The following SEMA3A variants were observed in gnomAD, a reference collection of about 807,000 sequenced individuals.
SEMA3A encodes semaphorin-3A.
SEMA3A carries 29 observed loss-of-function variants against 97.9 expected under a neutral mutation model. The observed-to-expected ratio is 0.30, with a 90% confidence interval of 0.22 to 0.40. The LOEUF (loss-of-function observed/expected upper bound fraction) is 0.40, where lower values mean the gene tolerates loss of function less well. Among genes scored for constraint, SEMA3A ranks in the 10% least tolerant of loss-of-function variants. The probability of loss-of-function intolerance (pLI) is 1.00; values close to 1 mark genes in which losing one functional copy is unlikely to be tolerated. For missense variants in SEMA3A, 763 were observed against 951.3 expected, an observed-to-expected ratio of 0.80 and a Z score of 2.60; for synonymous variants, 321 against 323.7, an observed-to-expected ratio of 0.99 and a Z score of 0.09.
intron 3 of SEMA3A, among the ~76,000 whole-genome samples, chr7:84,114,718 T>C (rs1201035716): frequency 6.6e-6 from 1 of 152,110 alleles, no homozygotes; most frequent in Non-Finnish European, 1.5e-5. Context: ...TCACTCACTT[T>C]ATCCCTTCCT....
chr7:84,249,931 GT>G (rs58783916), intron 3 of SEMA3A, among the ~76,000 whole-genome samples: 20,303 of 144,288 alleles, frequency 0.14, 1,768 homozygotes, highest in East Asian at 0.34. Flanking sequence ...GTTGCATCCT[GT>G]TTTTTTTTTT....
chr7:84,283,796 AC>A (rs1800514120), intron 3 of SEMA3A, among the ~76,000 whole-genome samples: 1 of 152,214 alleles, frequency 6.6e-6, no homozygotes, highest in South Asian at 2.1e-4. Flanking sequence ...GCATATGGAA[AC>A]ATAACTTCTT....
At chr7:84,422,142 G>C (rs1402754088) in intron 1 of SEMA3A, among the ~76,000 whole-genome samples, 1 of 151,946 alleles carries the variant, frequency 6.6e-6, no homozygotes, top group Admixed American at 6.6e-5. Flanking sequence ...AATCCGTCTG[G>C]TCCTGGGCTT....
chr7:84,257,942 T>C (rs753238280), intron 3 of SEMA3A, among the ~76,000 whole-genome samples: 1 of 152,210 alleles, frequency 6.6e-6, no homozygotes, highest in Non-Finnish European at 1.5e-5. Context: ...CAGAATGGTA[T>C]TTCATTTCTT....
chr7:84,024,478 G>A (rs546846404), intron 6 of SEMA3A, among the ~76,000 whole-genome samples: 146 of 77,018 alleles, frequency 1.9e-3, no homozygotes, highest in African/African-American at 5.8e-3. Context: ...CCCAGGAGGC[G>A]GAGGTTGCAG....
intron 1 of SEMA3A, among the ~76,000 whole-genome samples, chr7:84,392,041 G>T (rs1374040637): frequency 6.6e-6 from 1 of 151,746 alleles, no homozygotes; most frequent in Non-Finnish European, 1.5e-5. Context: ...TGAATACAAT[G>T]TGGCATTATT....
chr7:84,110,460 C>G lies in SEMA3A; in HGVS notation c.453+10G>C. 1 of 1,612,734 alleles carries G rather than the reference C, an allele frequency of 6.2e-7. No individual in the cohort carries two copies. The highest frequency in any genetic ancestry group is 1.3e-5 in the African/African-American group (1 of 74,912). ...ATGGACAAATATAATTTTTAAAAAG[C>G]CAGCGTTACCTCAGGATGATGTCCA... On this transcript the variant is annotated intron_variant, in intron 4 of 16. Transcript: ENST00000265362.
chr7:84,259,814 CA>C (rs201882668), intron 3 of SEMA3A, among the ~76,000 whole-genome samples: 1,987 of 73,166 alleles, frequency 0.027, 51 homozygotes, highest in East Asian at 0.15. Context: ...AACACACGCA[CA>C]AAAAAAAAAA....
intron 3 of SEMA3A, chr7:84,306,644 A>G (rs1156737453): frequency 8.5e-5 from 13 of 152,166 alleles, no homozygotes; most frequent in African/African-American, 2.4e-5. Flanking sequence ...AATAAGTAAT[A>G]CAGTATGTAT....
At chr7:84,029,890 G>A (rs988083529) in intron 6 of SEMA3A, among the ~76,000 whole-genome samples, 2 of 151,154 alleles carry the variant, frequency 1.3e-5, no homozygotes, top group Non-Finnish European at 2.9e-5. Flanking sequence ...TTAAAGACAC[G>A]AAGACAAAAC....
rs2115680204 is a variant in SEMA3A, at chr7:84,265,767, C to T, written c.-83+41440G>A. 1.3e-5 allele frequency among the ~76,000 whole-genome samples: 2 copies of T among 151,936 alleles called. 1 individual carries two copies. Among genetic ancestry groups the T allele is most frequent in the Admixed American group, 1.3e-4 (2 of 15,226 alleles). On this transcript the variant is annotated intron_variant, in intron 3 of 3. Coordinates refer to the SEMA3A transcript ENST00000424555. ...GTAACAGGTCTCATCCCTGCCACCTCTCCCACTGTCCCCCACAATTCTGAA... is the reference window on the plus strand; with the variant it reads ...GTAACAGGTCTCATCCCTGCCACCTTTCCCACTGTCCCCCACAATTCTGAA...
chr7:84,445,517 A>G (rs1281050685), intron 1 of SEMA3A, among the ~76,000 whole-genome samples: 1 of 119,720 alleles, frequency 8.4e-6, no homozygotes, highest in African/African-American at 4.0e-5. Context: ...AAAAAAAAAA[A>G]AAAGAAAAGA....
chr7:84,385,915 A>G (rs1392087829), intron 1 of SEMA3A, among the ~76,000 whole-genome samples: 1 of 152,136 alleles, frequency 6.6e-6, no homozygotes, highest in Non-Finnish European at 1.5e-5. Context: ...TTCTGAGCCC[A>G]TTTCTTTCTT....
At chr7:84,066,787 G>A (rs963833405) in intron 4 of SEMA3A, among the ~76,000 whole-genome samples, 10 of 152,026 alleles carry the variant, frequency 6.6e-5, no homozygotes, top group African/African-American at 1.9e-4. Context: ...CAAACAAATC[G>A]AAGAACATTC....
In SEMA3A at chr7:84,091,305, AAAGG is replaced by A. The variant is rs1158058394; in HGVS notation, c.453+19161_453+19164del. Among the ~76,000 whole-genome samples, 423 of 141,020 alleles carry A rather than the reference AAAGG, an allele frequency of 3.0e-3. 2 individuals are homozygous for A. Among genetic ancestry groups the A allele is most frequent in the African/African-American group, 9.1e-3 (367 of 40,434 alleles). 92.5% of individuals were successfully genotyped at this position (141,020 alleles called of 152,430 possible). On this transcript the variant is annotated intron_variant, in intron 4 of 16. Coordinates refer to ENST00000265362, the MANE Select transcript of SEMA3A (RefSeq NM_006080.3). ...GAAAGAAAGAAAGAAAAAGAAAAAG[AAAGG>A]AAGGAAGGAAGGAAGAGAGAGAGAG... is the stretch of plus-strand genomic sequence containing the variant.
intron 15 of SEMA3A, among the ~76,000 whole-genome samples, chr7:83,974,587 T>C (rs1013630616): frequency 6.6e-6 from 1 of 152,156 alleles, no homozygotes. Context: ...ACAACATACA[T>C]GATTTAGTAA....
intron 2 of SEMA3A, among the ~76,000 whole-genome samples, chr7:84,343,048 A>G (rs1802209476): frequency 6.6e-6 from 1 of 152,228 alleles, no homozygotes; most frequent in Non-Finnish European, 1.5e-5. Context: ...TCTCACAAGC[A>G]TACCATGTAG....
At chr7:84,417,639 T>A (rs896027763) in intron 1 of SEMA3A, among the ~76,000 whole-genome samples, 93 of 152,228 alleles carry the variant, frequency 6.1e-4, no homozygotes, top group African/African-American at 2.1e-3. Flanking sequence ...TTACTAATTT[T>A]AAAAATGACT....
chr7:84,142,813 A>G (rs913656711), intron 1 of SEMA3A, among the ~76,000 whole-genome samples: 8 of 152,222 alleles, frequency 5.3e-5, no homozygotes, highest in African/African-American at 1.4e-4. Flanking sequence ...ACAAAGACTT[A>G]CTAGAAACCT....
Sources: allele counts gnomAD v4.1 joint callset (sites outside exome capture counted in the v4.1 genomes callset), GRCh38; gene constraint gnomAD v4.1.1; transcripts MANE v1.5; gene names NCBI Gene and HGNC (gene_info 2026-07-23, HGNC 2026-07-21).